Variants in FNIP2 observed in about 807,000 individuals in gnomAD.
The protein encoded by FNIP2 is folliculin-interacting protein 2.
Under a neutral mutation model 108.7 loss-of-function variants are expected in FNIP2, and 32 were observed. That is an observed-to-expected ratio of 0.29 (90% CI 0.22 to 0.40). The LOEUF is 0.40. FNIP2 is among the 10% of genes least tolerant of loss of function. The pLI, the probability that FNIP2 is intolerant of heterozygous loss-of-function variation, is 1.00. For synonymous variants in FNIP2, 480 were observed against 496.7 expected (o/e 0.97, Z 0.45); for missense variants, 1,202 against 1,381.6 (o/e 0.87, Z 2.06).
At position 158,906,142 on chromosome 4, in the gene FNIP2, A is replaced by G. The variant is rs747589602; in HGVS notation, c.*1598A>G. The G allele has an allele frequency of 9.2e-5, 14 of 151,886 alleles. No individual in the cohort carries two copies. The highest frequency in any genetic ancestry group is 6.6e-4 in the Admixed American group (10 of 15,256). 9.4% of individuals were successfully genotyped at this position (151,886 alleles called of 1,614,324 possible). A position where few individuals can be genotyped will look rare whatever the true frequency, so the allele number is the denominator to read the frequency against. ...TGTTCATTCTTTTTAATGTTTTCCT[A>G]TTTCCTTTTGCCTAGCATTTGACTT... On this transcript the variant is annotated 3_prime_UTR_variant, in exon 17 of 17. Transcript: ENST00000264433.
intron 1 of FNIP2, among the ~76,000 whole-genome samples, chr4:158,816,700 G>T (rs1434478726): frequency 6.6e-6 from 1 of 151,060 alleles, no homozygotes; most frequent in South Asian, 2.1e-4. Context: ...CAGGAGAATC[G>T]CATGAACCCA....
intron 14 of FNIP2, among the ~76,000 whole-genome samples, chr4:158,881,221 GGTCTCCCTCTCCCTC>G: frequency 6.9e-6 from 1 of 144,142 alleles, no homozygotes; most frequent in African/African-American, 2.5e-5. Context: ...CTCTTTCCAC[GGTCTCCCTCTCCCTC>G]TCTTTCCACG....
chr4:158,874,173 A>C (rs1360756586), intron 14 of FNIP2, among the ~76,000 whole-genome samples: 1 of 152,226 alleles, frequency 6.6e-6, no homozygotes, highest in Non-Finnish European at 1.5e-5. Flanking sequence ...AACAGATGAA[A>C]TATGATTCAG....
At chr4:158,805,049 G>T (rs764067602) in intron 1 of FNIP2, among the ~76,000 whole-genome samples, 2 of 152,174 alleles carry the variant, frequency 1.3e-5, no homozygotes, top group Non-Finnish European at 2.9e-5. Context: ...GCCCTGCCAT[G>T]ACATTAGTTT....
intron 7 of FNIP2, among the ~76,000 whole-genome samples, chr4:158,840,764 G>A (rs547473707): frequency 1.3e-5 from 2 of 152,316 alleles, no homozygotes; most frequent in Non-Finnish European, 2.9e-5. Context: ...ATTGAGACCA[G>A]TGTCATCAAG....
intron 1 of FNIP2, among the ~76,000 whole-genome samples, chr4:158,789,410 A>G (rs529106284): frequency 6.6e-6 from 1 of 152,316 alleles, no homozygotes; most frequent in African/African-American, 2.4e-5. Context: ...AGGACAGTTC[A>G]TTTATTTATT....
chr4:158,830,258 T>C (rs1467648116), intron 3 of FNIP2, among the ~76,000 whole-genome samples: 2 of 137,162 alleles, frequency 1.5e-5, no homozygotes, highest in Non-Finnish European at 3.1e-5. Flanking sequence ...CTTTTTTTTT[T>C]TTTTTTTTTT....
chr4:158,884,302 T>G (rs777861061), intron 14 of FNIP2, among the ~76,000 whole-genome samples: 1 of 152,226 alleles, frequency 6.6e-6, no homozygotes, highest in Non-Finnish European at 1.5e-5. Context: ...TGCCCAGCAC[T>G]GTGTTATGTT....
intron 14 of FNIP2, among the ~76,000 whole-genome samples, chr4:158,884,540 G>A (rs547442810): frequency 6.6e-6 from 1 of 152,264 alleles, no homozygotes; most frequent in Non-Finnish European, 1.5e-5. Context: ...CCAGGTCCTT[G>A]AGGGATTGTG....
At chr4:158,798,803 A>G (rs76610881) in intron 1 of FNIP2, among the ~76,000 whole-genome samples, 10,622 of 152,292 alleles carry the variant, frequency 0.07, 534 homozygotes, top group Non-Finnish European at 0.1. Context: ...AACACAGATT[A>G]ATGAATAACT....
At chr4:158,863,987 AT>A (rs936017299) in intron 12 of FNIP2, among the ~76,000 whole-genome samples, 1 of 151,706 alleles carries the variant, frequency 6.6e-6, no homozygotes, top group Non-Finnish European at 1.5e-5. Context: ...CTACAAATCA[AT>A]TTTTTTTTAG....
At position 158,832,049 on chromosome 4, in the gene FNIP2, C is replaced by G. The variant is rs149954508; in HGVS notation, c.483-18C>G. On this transcript the variant is annotated intron_variant, in intron 4 of 16. Transcript: ENST00000264433. ...CTCATAAATTTATTTTTCCCCTCTC[C>G]TTTTTTCCCCTCCACAGTTCTCCTC... The G allele has an allele frequency of 7.0e-4, 1,132 of 1,611,882 alleles. 8 individuals carry two copies. In the African/African-American group the frequency reaches 0.013, roughly 19 times the overall value.
intron 1 of FNIP2, among the ~76,000 whole-genome samples, chr4:158,772,788 C>A (rs1489027915): frequency 6.6e-6 from 1 of 152,104 alleles, no homozygotes; most frequent in Non-Finnish European, 1.5e-5. Flanking sequence ...GGCAGGACAC[C>A]CACGGTCTCA....
chr4:158,773,817 A>G (rs1394185586), intron 1 of FNIP2, among the ~76,000 whole-genome samples: 1 of 152,224 alleles, frequency 6.6e-6, no homozygotes, highest in South Asian at 2.1e-4. Context: ...CACTCACTCA[A>G]ACCTGGTAGA....
chr4:158,794,742 T>A (rs985917220), intron 1 of FNIP2: 37 of 152,294 alleles, frequency 2.4e-4, no homozygotes, highest in African/African-American at 8.9e-4. Context: ...ACTAGAACAT[T>A]TAAAATTATA....
chr4:158,838,513 G>C (rs1337683593), intron 7 of FNIP2, among the ~76,000 whole-genome samples: 1 of 152,086 alleles, frequency 6.6e-6, no homozygotes, highest in Non-Finnish European at 1.5e-5. Context: ...GAGCCACCAC[G>C]CCTAGCCTAG....
intron 8 of FNIP2, among the ~76,000 whole-genome samples, chr4:158,856,038 C>T (rs569754002): frequency 2.0e-5 from 3 of 152,284 alleles, no homozygotes; most frequent in African/African-American, 2.4e-5. Flanking sequence ...GTTGGCTCCA[C>T]GCTGACCTCA....
chr4:158,870,588 G>T, intron 14 of FNIP2, 119 bp downstream of exon 14: 2 of 1,321,512 alleles, frequency 1.5e-6, no homozygotes, highest in Non-Finnish European at 2.1e-6. Flanking sequence ...GGAGATGTGG[G>T]CAGGGTTATG....
chr4:158,860,526 C>T (rs986423127), intron 10 of FNIP2, among the ~76,000 whole-genome samples: 3 of 152,016 alleles, frequency 2.0e-5, no homozygotes, highest in African/African-American at 7.3e-5. Context: ...TAAAGTTGTG[C>T]TCTTTGATGG....
Sources: gnomAD v4.1 joint callset for allele counts (sites outside exome capture counted in the v4.1 genomes callset) on GRCh38, gnomAD v4.1.1 for gene constraint, MANE v1.5 for transcripts, NCBI Gene and HGNC (gene_info 2026-07-23, HGNC 2026-07-21) for gene names.